The following SLC2A12 variants were observed in gnomAD, a reference collection of about 807,000 sequenced individuals.
The protein encoded by SLC2A12 is solute carrier family 2 member 12, also known as solute carrier family 2, facilitated glucose transporter member 12.
In SLC2A12, 23 loss-of-function variants were observed where a neutral mutation model predicts 41.8. The ratio of observed to expected loss-of-function variants is 0.55; its 90% CI spans 0.40 to 0.78. SLC2A12 has a LOEUF of 0.78. Among genes scored for constraint, SLC2A12 ranks in the 30% least tolerant of loss-of-function variants. The pLI is 0.00. For missense variants in SLC2A12, 654 were observed against 745.6 expected, an observed-to-expected ratio of 0.88 and a Z score of 1.43; for synonymous variants, 295 against 285.9, an observed-to-expected ratio of 1.03 and a Z score of -0.32.
At chr6:134,028,344 T>C (rs373024915) in intron 2 of SLC2A12, 37 bp downstream of exon 2, 172 of 1,552,830 alleles carry the variant, frequency 1.1e-4, no homozygotes, top group Non-Finnish European at 1.2e-4. Context: ...ATGCTCTGAC[T>C]GGTCAAAAGC....
intron 4 of SLC2A12, among the ~76,000 whole-genome samples, chr6:133,992,362 A>C (rs1437881804): frequency 1.3e-5 from 2 of 152,164 alleles, no homozygotes; most frequent in Non-Finnish European, 2.9e-5. Context: ...AAAAAGCAAA[A>C]TAATTAGAGT....
rs1170558623 is a variant in SLC2A12, at chr6:134,032,405, AAT to A, written c.104-2686_104-2685del. ...AGGCATTTACCTGGGTACAGGGAGA[AAT>A]ATATATATATATATATATTTATATA... On this transcript the variant is annotated intron_variant, in intron 1 of 4. Transcript: ENST00000275230. 1.6e-3 allele frequency among the ~76,000 whole-genome samples: 183 copies of A among 118,046 alleles called. 3 individuals are homozygous for A. Among genetic ancestry groups the A allele is most frequent in the African/African-American group, 6.7e-3 (151 of 22,450 alleles). 77.4% of individuals were successfully genotyped at this position (118,046 alleles called of 152,430 possible).
intron 4 of SLC2A12, among the ~76,000 whole-genome samples, chr6:133,992,517 G>C (rs1427513419): frequency 6.6e-6 from 1 of 152,188 alleles, no homozygotes; most frequent in East Asian, 1.9e-4. Flanking sequence ...ATGTTCATAA[G>C]GTGAAAACAA....
At chr6:134,041,091 CT>C (rs1482240526) in intron 1 of SLC2A12, among the ~76,000 whole-genome samples, 2 of 152,084 alleles carry the variant, frequency 1.3e-5, no homozygotes, top group East Asian at 3.9e-4. Context: ...TTTTGGTCCC[CT>C]GATTACAAAT....
At chr6:134,047,201 G>T (rs963688969) in intron 1 of SLC2A12, among the ~76,000 whole-genome samples, 5 of 152,004 alleles carry the variant, frequency 3.3e-5, no homozygotes, top group African/African-American at 1.2e-4. Context: ...CATCCTTCTG[G>T]GGGAGACTGT....
chr6:134,038,072 C>T lies in SLC2A12; in HGVS notation c.104-8351G>A, dbSNP rs1777327975. On this transcript the variant is annotated intron_variant, in intron 1 of 4. Transcript: ENST00000275230. ...ACAGTGAAACTCAGACAAAAAGGAA[C>T]TTTGGCCTCTCTCAACACCTATTAT... Among the ~76,000 whole-genome samples the T allele has an allele frequency of 2.6e-5, 4 of 152,150 alleles. No homozygotes were observed. The South Asian group carries it at 8.3e-4, about 32-fold the overall frequency.
chr6:134,004,918 T>C (rs1480647194), intron 3 of SLC2A12, among the ~76,000 whole-genome samples: 1 of 152,208 alleles, frequency 6.6e-6, no homozygotes, highest in East Asian at 1.9e-4. Context: ...AGACCTCATG[T>C]GCCTCCTGTT....
chr6:134,046,656 C>A (rs1281538656), intron 1 of SLC2A12, among the ~76,000 whole-genome samples: 1 of 151,720 alleles, frequency 6.6e-6, no homozygotes, highest in African/African-American at 2.4e-5. Context: ...TATATATATA[C>A]AAAAATTAGC....
intron 2 of SLC2A12, among the ~76,000 whole-genome samples, chr6:134,017,820 CTCCA>C (rs1413361686): frequency 1.3e-5 from 2 of 151,356 alleles, no homozygotes; most frequent in African/African-American, 2.4e-5. Context: ...CGCCACTGCA[CTCCA>C]TCCAGCCTGG....
chr6:134,022,912 T>C (rs1339848038), intron 2 of SLC2A12, among the ~76,000 whole-genome samples: 1 of 152,206 alleles, frequency 6.6e-6, no homozygotes, highest in Non-Finnish European at 1.5e-5. Flanking sequence ...TTCCAAATAA[T>C]CTGTTTACAC....
At chr6:134,041,061 T>A (rs1218403770) in intron 1 of SLC2A12, among the ~76,000 whole-genome samples, 3 of 152,200 alleles carry the variant, frequency 2.0e-5, no homozygotes, top group Non-Finnish European at 4.4e-5. Flanking sequence ...AGGAACTTTT[T>A]AATTTTTTTT....
rs905936500 is a variant in SLC2A12 at position 134,035,537 on chromosome 6, T to G, written c.104-5816A>C. Among the ~76,000 whole-genome samples the G allele has an allele frequency of 2.0e-5, 3 of 152,322 alleles. No individual in the cohort carries two copies. The East Asian group carries it at 5.8e-4, about 29-fold the overall frequency. ...TTTCTACACGCCCATCCTTTCTTCA[T>G]CAAACCTAAGCATAAAATCAGACAT... is the stretch of plus-strand genomic sequence containing the variant. On this transcript the variant is annotated intron_variant, in intron 1 of 4. Transcript: ENST00000275230.
intron 2 of SLC2A12, among the ~76,000 whole-genome samples, chr6:134,012,926 A>G (rs1026671104): frequency 6.6e-6 from 1 of 152,176 alleles, no homozygotes; most frequent in African/African-American, 2.4e-5. Context: ...AGCTATGATC[A>G]ATCACACCAT....
intron 2 of SLC2A12, among the ~76,000 whole-genome samples, chr6:134,026,037 G>A (rs1174702201): frequency 6.6e-6 from 1 of 152,104 alleles, no homozygotes; most frequent in Non-Finnish European, 1.5e-5. Flanking sequence ...TGGTTCAGGA[G>A]GCCTAAGATC....
chr6:134,023,877 T>C (rs899825609), intron 2 of SLC2A12, among the ~76,000 whole-genome samples: 5 of 152,224 alleles, frequency 3.3e-5, no homozygotes, highest in Non-Finnish European at 7.3e-5. Flanking sequence ...GTTACTGTGA[T>C]GATTTTGTGC....
intron 4 of SLC2A12, among the ~76,000 whole-genome samples, chr6:134,000,591 C>T (rs1456400489): frequency 6.6e-6 from 1 of 152,144 alleles, no homozygotes; most frequent in African/African-American, 2.4e-5. Context: ...CAATAAGTAT[C>T]CCTGCATTTC....
At chr6:134,019,824 C>T (rs943924648) in intron 2 of SLC2A12, among the ~76,000 whole-genome samples, 10 of 152,144 alleles carry the variant, frequency 6.6e-5, no homozygotes, top group African/African-American at 2.4e-4. Context: ...GTGTTCAAGA[C>T]CAGCCTGGCC....
intron 1 of SLC2A12, among the ~76,000 whole-genome samples, 140 bp downstream of exon 1, chr6:134,052,224 AGCGCGCCCACATGC>A (rs1390522842): frequency 8.1e-6 from 1 of 122,964 alleles, no homozygotes; most frequent in Non-Finnish European, 1.8e-5. Context: ...CCACTCATCC[AGCGCGCCCACATGC>A]GCGCGCGCGC....
At chr6:134,022,894 C>A (rs977886745) in intron 2 of SLC2A12, among the ~76,000 whole-genome samples, 2 of 152,174 alleles carry the variant, frequency 1.3e-5, no homozygotes, top group East Asian at 1.9e-4. Context: ...TCCCTCAAGA[C>A]GGCAGTATTC....
Sources: allele counts gnomAD v4.1 joint callset (sites outside exome capture counted in the v4.1 genomes callset), GRCh38; gene constraint gnomAD v4.1.1; transcripts MANE v1.5; gene names NCBI Gene and HGNC (gene_info 2026-07-23, HGNC 2026-07-21).